P4HB: variants seen among roughly 807,000 people sequenced by gnomAD.
P4HB encodes prolyl 4-hydroxylase subunit beta, also known as protein disulfide-isomerase.
A neutral mutation model predicts 52.6 loss-of-function variants in P4HB; 20 were observed. That is an observed-to-expected ratio of 0.38 (90% CI 0.27 to 0.55). The LOEUF (loss-of-function observed/expected upper bound fraction) is 0.55, where lower values mean the gene tolerates loss of function less well. Among genes scored for constraint, P4HB ranks in the 20% least tolerant of loss-of-function variants. P4HB has a pLI of 0.74. For missense variants in P4HB, 601 were observed against 669.2 expected (o/e 0.90, Z 1.12); for synonymous variants, 296 against 277.9 (o/e 1.07, Z -0.65).
chr17:81,845,662 T>C lies in P4HB; in HGVS notation c.1258A>G (p.Ile420Val), dbSNP rs2038723959. ...LGETYKDHENIVIAKMDSTAN... is the reference protein window; with the variant it reads ...LGETYKDHENVVIAKMDSTAN... ...GTCGAGTCCATCTTGGCGATGACGA[T>C]GTTCTCATGGTCCTTGTACGTCTCT... The change falls in exon 9 of 11, where the codon ATC (isoleucine) becomes GTC (valine). Residue 420 changes from isoleucine (I) to valine (V), a missense_variant. Transcript: ENST00000331483. The C allele has an allele frequency of 3.1e-6, 5 of 1,613,738 alleles. No homozygotes were observed. Among genetic ancestry groups the C allele is most frequent in the Admixed American group, 1.7e-5 (1 of 59,980 alleles).
chr17:81,851,289 G>A (rs933327655), intron 4 of P4HB, among the ~76,000 whole-genome samples: 1 of 152,206 alleles, frequency 6.6e-6, no homozygotes, highest in African/African-American at 2.4e-5. Context: ...CTTACTGGCC[G>A]TTTCCATGTA....
intron 5 of P4HB, 39 bp from the exon 6 acceptor site, chr17:81,847,111 ACTATTAATGCAGAAGATT>A (rs757080452): frequency 1.2e-6 from 2 of 1,613,296 alleles, no homozygotes; most frequent in Non-Finnish European, 1.7e-6. Context: ...TGAGTCACAC[ACTATTAATGCAGAAGATT>A]CTCCCAATGG....
chr17:81,853,966 C>T (rs2038874681), intron 4 of P4HB, among the ~76,000 whole-genome samples: 1 of 152,242 alleles, frequency 6.6e-6, no homozygotes, highest in African/African-American at 2.4e-5. Context: ...ACTGTGCAAA[C>T]AAGGACCCTG....
intron 4 of P4HB, among the ~76,000 whole-genome samples, chr17:81,848,519 T>G (rs896712701): frequency 2.0e-5 from 3 of 152,116 alleles, no homozygotes; most frequent in African/African-American, 7.2e-5. Flanking sequence ...GTGGATCGCT[T>G]GAGACCAGGA....
Position 81,846,627 on chromosome 17 carries a change from G to A in P4HB, c.858C>T (p.Ile286=), listed in dbSNP as rs759143058. 1 of 1,613,502 alleles carries A rather than the reference G, an allele frequency of 6.2e-7. No homozygotes were observed. Among genetic ancestry groups the A allele is most frequent in the East Asian group, 2.2e-5 (1 of 44,896 alleles). The part of the protein sequence containing the change: ...KTAAESFKGK[I]LFIFIDSDHT... ...GGTCGCTGTCGATGAAGATGAACAG[G>A]ATCTGGGGGAGAAAAGGAGGTTGCA... The change falls in exon 7 of 11, where the codon ATC becomes ATT. Residue 286 remains isoleucine (I), a splice_region_variant and synonymous_variant. Coordinates refer to ENST00000331483, the MANE Select transcript of P4HB (RefSeq NM_000918.4). The surrounding 1 kb of genome is among the most constrained non-coding windows in gnomAD (Gnocchi z 5.7).
At chr17:81,851,851 G>GCCAGCCC (rs1183973122) in intron 4 of P4HB, among the ~76,000 whole-genome samples, 2 of 152,216 alleles carry the variant, frequency 1.3e-5, no homozygotes, top group Non-Finnish European at 2.9e-5. Flanking sequence ...GCAGCAGGAG[G>GCCAGCCC]CCAGCCCTGC....
At chr17:81,847,550 C>T (rs573125140) in intron 4 of P4HB, 44 of 592,128 alleles carry the variant, frequency 7.4e-5, no homozygotes, top group African/African-American at 5.2e-4. Context: ...TATGGCTGCC[C>T]GTGAATTCAA....
At chr17:81,849,483 A>C (rs1338533765) in intron 4 of P4HB, among the ~76,000 whole-genome samples, 1 of 152,228 alleles carries the variant, frequency 6.6e-6, no homozygotes, top group Non-Finnish European at 1.5e-5. Flanking sequence ...CAACAGAGCA[A>C]GACTTCATCT....
At chr17:81,859,599 A>C in intron 1 of P4HB, 1 of 577,270 alleles carries the variant, frequency 1.7e-6, no homozygotes, top group South Asian at 2.1e-5. Context: ...AACTACCACC[A>C]ACCAACACCA....
chr17:81,860,333 C>A lies in P4HB; in HGVS notation c.139G>T (p.Glu47Ter). Reference sequence around the variant, plus strand: ...CGCCAGGCCCGGCGCTCACAGAACTCCACCAGCAGGTACTTGTGGGCCGCC... The same window carrying A: ...CGCCAGGCCCGGCGCTCACAGAACTACACCAGCAGGTACTTGTGGGCCGCC... ...ALAAHKYLLV[E>*]FYAPWCGHCK... Residue 47 changes from glutamate (E) to a stop codon, truncating the protein, a stop_gained, in exon 1 of 11, where the codon GAG (glutamate) becomes TAG (stop). Transcript: ENST00000331483. LOFTEE classifies it high-confidence loss of function. 1 of 1,467,872 alleles carries A rather than the reference C, an allele frequency of 6.8e-7. No homozygotes were observed. The allele number at this position is 1,467,872 out of a possible 1,614,324, so 90.9% of individuals were successfully genotyped here.
intron 1 of P4HB, 79 bp from the exon 2 acceptor site, chr17:81,859,466 T>C: frequency 8.1e-7 from 1 of 1,241,518 alleles, no homozygotes; most frequent in South Asian, 1.2e-5. Flanking sequence ...CTTCCCTTTT[T>C]CCTCTGGCAT....
chr17:81,848,467 G>A (rs546565285), intron 4 of P4HB, among the ~76,000 whole-genome samples: 18 of 152,310 alleles, frequency 1.2e-4, no homozygotes, highest in Non-Finnish European at 2.2e-4. Context: ...TGGCTACAGT[G>A]GCTCAGGCCT....
At position 81,859,220 on chromosome 17, in the gene P4HB, A is replaced by G; in HGVS notation, c.313T>C (p.Phe105Leu). 6.2e-7 allele frequency: 1 copy of G among 1,614,020 alleles called. No individual in the cohort carries two copies. The highest frequency in any genetic ancestry group is 8.5e-7 in the Non-Finnish European group (1 of 1,180,018). Residue 105 changes from phenylalanine to leucine, a missense_variant, in exon 2 of 11, where the codon TTC (phenylalanine) becomes CTC (leucine). Phe to Leu is a conservative substitution (Grantham distance 22). Coordinates refer to ENST00000331483, the MANE Select transcript of P4HB (RefSeq NM_000918.4). Reference sequence around the variant, plus strand: ...GGGGAAGCCGTGTCTCCATTCCTGAAGAACTTGATGGTGGGATAGCCGCGC... The same window carrying G: ...GGGGAAGCCGTGTCTCCATTCCTGAGGAACTTGATGGTGGGATAGCCGCGC... ...GVRGYPTIKF[F>L]RNGDTASPKE...
chr17:81,854,465 C>T (rs1296468127), intron 4 of P4HB, among the ~76,000 whole-genome samples: 1 of 151,392 alleles, frequency 6.6e-6, no homozygotes, highest in African/African-American at 2.4e-5. Context: ...TCACTTGAGC[C>T]TGGGAAGCAG....
intron 4 of P4HB, among the ~76,000 whole-genome samples, chr17:81,851,285 G>A (rs1212062506): frequency 1.3e-5 from 2 of 152,212 alleles, no homozygotes; most frequent in South Asian, 2.1e-4. Flanking sequence ...CTTTCTTACT[G>A]GCCGTTTCCA....
At chr17:81,854,831 G>C (rs548879332) in intron 4 of P4HB, among the ~76,000 whole-genome samples, 10 of 136,212 alleles carry the variant, frequency 7.3e-5, no homozygotes, top group South Asian at 2.2e-4. Flanking sequence ...GACAGAGCAA[G>C]ACTCTCCCAA....
At position 81,845,068 on chromosome 17, in the gene P4HB, G is replaced by C. The variant is rs74006119; in HGVS notation, c.1446+76C>G. Reference sequence around the variant, plus strand: ...AATGGCACCATTCCCATCACAAGCCGAGCCCAAGTGGGCATGTCCCGTGGG... The same window carrying C: ...AATGGCACCATTCCCATCACAAGCCCAGCCCAAGTGGGCATGTCCCGTGGG... On this transcript the variant is annotated intron_variant, in intron 10 of 10. Coordinates refer to ENST00000331483, the MANE Select transcript of P4HB (RefSeq NM_000918.4). The C allele has an allele frequency of 1.4e-3, 1,746 of 1,223,586 alleles. 7 individuals carry two copies. In the African/African-American group the frequency reaches 0.022, roughly 15 times the overall value. 75.8% of individuals were successfully genotyped at this position (1,223,586 alleles called of 1,614,324 possible). A position where few individuals can be genotyped will look rare whatever the true frequency, so the allele number is the denominator to read the frequency against.
rs201560510 is a variant in P4HB, at chr17:81,846,504, G to A, written c.981C>T (p.Tyr327=). 2 of 1,613,992 alleles carry A rather than the reference G, an allele frequency of 1.2e-6. No individual in the cohort carries two copies. Among genetic ancestry groups the A allele is most frequent in the Non-Finnish European group, 1.7e-6 (2 of 1,180,028 alleles). The change falls in exon 7 of 11, where the codon TAC becomes TAT. Residue 327 remains tyrosine, a synonymous_variant. Coordinates refer to ENST00000331483, the MANE Select transcript of P4HB (RefSeq NM_000918.4). The surrounding 1 kb of genome is among the most constrained non-coding windows in gnomAD (Gnocchi z 5.7). ...CCGTCAGCTCCTCCGATTCGGGCTTGTACTTGGTCATCTCCTCCTCCAGGG... is the reference window on the plus strand; with the variant it reads ...CCGTCAGCTCCTCCGATTCGGGCTTATACTTGGTCATCTCCTCCTCCAGGG... ...LITLEEEMTK[Y]KPESEELTAE... is the part of the protein sequence containing the mutation.
At position 81,855,344 on chromosome 17, in the gene P4HB, TG is replaced by T. The variant is rs2038896331; in HGVS notation, c.487-66del. The T allele has an allele frequency of 2.5e-6, 4 of 1,607,864 alleles. No individual in the cohort carries two copies. The highest frequency in any genetic ancestry group is 3.4e-6 in the Non-Finnish European group (4 of 1,175,652). On this transcript the variant is annotated intron_variant, in intron 3 of 10. Transcript: ENST00000331483. This position sits in a 1 kb window ranked among gnomAD's most constrained non-coding sequence, Gnocchi z 4.3. ...CAGCACCAAGCAGTAGGGCAGACCC[TG>T]TAGAGCCCAGGCCAGGGGGGACACG...
Sources: allele counts gnomAD v4.1 joint callset (sites outside exome capture counted in the v4.1 genomes callset), GRCh38; gene constraint gnomAD v4.1.1; non-coding constraint Gnocchi (gnomAD v3.1); transcripts MANE v1.5; gene names NCBI Gene and HGNC (gene_info 2026-07-23, HGNC 2026-07-21).